The following TMEM178A variants were observed in gnomAD, a reference collection of about 807,000 sequenced individuals.
The protein encoded by TMEM178A is transmembrane protein 178.
Under a neutral mutation model 29.1 loss-of-function variants are expected in TMEM178A, and 12 were observed. The observed-to-expected ratio is 0.41, with a 90% CI of 0.26 to 0.67. TMEM178A has a LOEUF of 0.67. Ranked by LOEUF, TMEM178A falls within the 30% of genes least tolerant of loss-of-function variation. The probability of loss-of-function intolerance (pLI) is 0.29; values close to 1 mark genes in which losing one functional copy is unlikely to be tolerated. For synonymous variants in TMEM178A, 210 were observed against 187.2 expected, an observed-to-expected ratio of 1.12 and a Z score of -0.99; for missense variants, 366 against 419.1, an observed-to-expected ratio of 0.87 and a Z score of 1.11.
chr2:39,724,525 A>G, the TMEM178A span, among the ~76,000 whole-genome samples: 1 of 152,204 alleles, frequency 6.6e-6, no homozygotes, highest in East Asian at 1.9e-4. Context: ...CACTAACAAT[A>G]AAATAAAACC....
At chr2:39,718,455 T>C (rs1672630850), downstream of TMEM178A, among the ~76,000 whole-genome samples, 1 of 152,206 alleles carries the variant, frequency 6.6e-6, no homozygotes, top group African/African-American at 2.4e-5. Context: ...TGTAAAAACA[T>C]CCCAGATGAT....
intron 3 of TMEM178A, among the ~76,000 whole-genome samples, chr2:39,708,490 C>T (rs1433348717): frequency 1.5e-5 from 2 of 137,024 alleles, no homozygotes; most frequent in Non-Finnish European, 3.0e-5. Flanking sequence ...GCGATCTCGA[C>T]TCACTGCAAG....
At position 39,700,504 on chromosome 2, in the gene TMEM178A, A is replaced by G. The variant is rs931743949; in HGVS notation, c.401-3577A>G. On this transcript the variant is annotated intron_variant, in intron 1 of 3. Coordinates refer to ENST00000281961, the MANE Select transcript of TMEM178A (RefSeq NM_152390.3). ...AGTATAGCCATTTCATCTTTCAGTT[A>G]TGGTTTTCATGGTATATCTTTTTCC... Among the ~76,000 whole-genome samples, 41 of 151,912 alleles carry G rather than the reference A, an allele frequency of 2.7e-4. 1 individual carries two copies. Among genetic ancestry groups the G allele is most frequent in the African/African-American group, 9.2e-4 (38 of 41,406 alleles).
At position 39,666,013 on chromosome 2, in the gene TMEM178A, C is replaced by A; in HGVS notation, c.39C>A (p.Gly13=). The change falls in exon 1 of 4, where the codon GGC becomes GGA. Residue 13 remains glycine, a synonymous_variant. Transcript: ENST00000281961. ...PRALVTALSL[G]LSLCSLGLLV... is the part of the protein sequence containing the mutation. ...CGCTCGTCACGGCGCTCAGCCTCGG[C>A]CTCAGCCTGTGCTCCCTGGGGCTGC... The A allele has an allele frequency of 6.5e-7, 1 of 1,529,852 alleles. No individual in the cohort carries two copies. Among genetic ancestry groups the A allele is most frequent in the South Asian group, 1.2e-5 (1 of 80,726 alleles). The allele number at this position is 1,529,852 out of a possible 1,614,324, so 94.8% of individuals were successfully genotyped here. A position where few individuals can be genotyped will look rare whatever the true frequency, so the allele number is the denominator to read the frequency against.
chr2:39,720,422 C>G (rs150595550), downstream of TMEM178A, among the ~76,000 whole-genome samples: 4,434 of 152,226 alleles, frequency 0.029, 85 homozygotes, highest in South Asian at 0.039. Flanking sequence ...AGGCAACCAC[C>G]CACTCCAGAT....
At chr2:39,667,689 T>G (rs573838680) in intron 1 of TMEM178A, among the ~76,000 whole-genome samples, 3 of 152,190 alleles carry the variant, frequency 2.0e-5, no homozygotes, top group African/African-American at 7.2e-5. Context: ...CTCCTTCCCA[T>G]GGCTAACTCA....
At chr2:39,730,451 C>G in the TMEM178A span, among the ~76,000 whole-genome samples, 5 of 152,136 alleles carry the variant, frequency 3.3e-5, no homozygotes, top group Admixed American at 6.5e-5. Context: ...AAGTTTCCCA[C>G]GTGCAGGGCA....
At chr2:39,666,886 T>C (rs1446543295) in intron 1 of TMEM178A, among the ~76,000 whole-genome samples, 1 of 152,190 alleles carries the variant, frequency 6.6e-6, no homozygotes, top group Non-Finnish European at 1.5e-5. Flanking sequence ...GCCTGTATTG[T>C]GCGGATGCTG....
the TMEM178A span, among the ~76,000 whole-genome samples, chr2:39,730,353 T>A: frequency 1.3e-5 from 2 of 152,180 alleles, no homozygotes; most frequent in South Asian, 2.1e-4. Flanking sequence ...CAAGCTCAGA[T>A]TCCCATACAA....
chr2:39,725,152 G>A, the TMEM178A span, among the ~76,000 whole-genome samples: 465 of 152,312 alleles, frequency 3.1e-3, 7 homozygotes, highest in African/African-American at 0.011. Context: ...GAAAGACCGA[G>A]GGTGAGCTAG....
At chr2:39,716,144 G>C (rs1418184724) in intron 3 of TMEM178A, among the ~76,000 whole-genome samples, 1 of 152,210 alleles carries the variant, frequency 6.6e-6, no homozygotes, top group East Asian at 1.9e-4. Flanking sequence ...GCCAGTTTCT[G>C]TTTTTATTAC....
At chr2:39,695,860 T>C (rs928643662) in intron 1 of TMEM178A, among the ~76,000 whole-genome samples, 1 of 152,144 alleles carries the variant, frequency 6.6e-6, no homozygotes, top group African/African-American at 2.4e-5. Context: ...TGGCAAAGCA[T>C]TAAAACATTT....
rs1230151916 is a variant in TMEM178A at position 39,717,227 on chromosome 2, G to A, written c.870G>A (p.Lys290=). 9.3e-6 allele frequency: 15 copies of A among 1,613,528 alleles called. No homozygotes were observed. Among genetic ancestry groups the A allele is most frequent in the Non-Finnish European group, 1.3e-5 (15 of 1,179,988 alleles). The change falls in exon 4 of 4, where the codon AAG becomes AAA. Residue 290 remains lysine, a synonymous_variant. Transcript: ENST00000281961. ...GCCGGACCAAGATTGCACAGCTAAA[G>A]TCTGGCAGAGACTCCACGGTATGAC... ...FISRTKIAQL[K]SGRDSTV
chr2:39,732,167 G>C, the TMEM178A span, among the ~76,000 whole-genome samples: 3 of 152,138 alleles, frequency 2.0e-5, no homozygotes, highest in Non-Finnish European at 4.4e-5. Flanking sequence ...TGCTCCCTGG[G>C]AGGAGAACTT....
chr2:39,704,755 C>T (rs1006208996), intron 2 of TMEM178A, among the ~76,000 whole-genome samples: 7 of 152,094 alleles, frequency 4.6e-5, no homozygotes, highest in African/African-American at 1.7e-4. Context: ...TGATATTTAC[C>T]TAAAAACTGT....
chr2:39,687,746 A>G (rs1024888275), intron 1 of TMEM178A, among the ~76,000 whole-genome samples: 6 of 152,232 alleles, frequency 3.9e-5, no homozygotes, highest in African/African-American at 1.4e-4. Context: ...AAATGTACAG[A>G]TTGATATGAT....
chr2:39,721,299 C>T (rs1672697795), downstream of TMEM178A, among the ~76,000 whole-genome samples: 1 of 152,214 alleles, frequency 6.6e-6, no homozygotes, highest in South Asian at 2.1e-4. Flanking sequence ...TTTTGCCAGG[C>T]ATCAAAGCAA....
Position 39,666,392 on chromosome 2 carries a change from C to A in TMEM178A, c.400+18C>A. 2 of 1,327,380 alleles carry A rather than the reference C, an allele frequency of 1.5e-6. No individual in the cohort carries two copies. The highest frequency in any genetic ancestry group is 1.9e-6 in the Non-Finnish European group (2 of 1,035,134). The allele number at this position is 1,327,380 out of a possible 1,614,324, so 82.2% of individuals were successfully genotyped here. ...CCTGAAAGGTGAGCGGCGGGCGCAC[C>A]CCGCGTCCCCGGCGCCCGCGCGTGG... On this transcript the variant is annotated intron_variant, in intron 1 of 3. Transcript: ENST00000281961.
chr2:39,674,479 A>T (rs764752744), intron 1 of TMEM178A, among the ~76,000 whole-genome samples: 1 of 152,208 alleles, frequency 6.6e-6, no homozygotes, highest in Non-Finnish European at 1.5e-5. Context: ...ACTCAAAGGC[A>T]TAAGAATGAT....
Sources: gnomAD v4.1 joint callset for allele counts (sites outside exome capture counted in the v4.1 genomes callset) on GRCh38, gnomAD v4.1.1 for gene constraint, MANE v1.5 for transcripts, NCBI Gene and HGNC (gene_info 2026-07-23, HGNC 2026-07-21) for gene names.